NFATC2: variants seen among roughly 807,000 people sequenced by gnomAD.
NFATC2 encodes nuclear factor of activated T-cells, cytoplasmic 2.
Under a neutral mutation model 87.3 loss-of-function variants are expected in NFATC2, and 22 were observed. The observed-to-expected ratio is 0.25, with a 90% CI of 0.18 to 0.36. The LOEUF is 0.36. Ranked by LOEUF, NFATC2 falls within the 10% of genes least tolerant of loss-of-function variation. The pLI, the probability that NFATC2 is intolerant of heterozygous loss-of-function variation, is 1.00. For synonymous variants in NFATC2, 565 were observed against 542.2 expected, an observed-to-expected ratio of 1.04 and a Z score of -0.58; for missense variants, 1,149 against 1,259.1, an observed-to-expected ratio of 0.91 and a Z score of 1.32.
chr20:51,562,817 C>G (rs75374025), upstream of NFATC2: 37 of 552,062 alleles, frequency 6.7e-5, no homozygotes, highest in Non-Finnish European at 9.7e-5. The surrounding 1 kb of genome is among the most constrained non-coding windows in gnomAD (Gnocchi z 5.8). Context: ...GCTCCGCGAT[C>G]CGGCTTACTC....
intron 6 of NFATC2, among the ~76,000 whole-genome samples, chr20:51,439,766 G>A (rs935479319): frequency 1.2e-4 from 18 of 152,210 alleles, no homozygotes; most frequent in Admixed American, 2.0e-4. Context: ...CCCAAATTTC[G>A]GAGCAGACAC....
chr20:51,535,393 C>T (rs1360426423), intron 1 of NFATC2, among the ~76,000 whole-genome samples: 1 of 152,238 alleles, frequency 6.6e-6, no homozygotes, highest in African/African-American at 2.4e-5. Flanking sequence ...TTTCTTTCAG[C>T]CAACCTAAAA....
chr20:51,553,834 G>A (rs2076955299), intron 1 of NFATC2, among the ~76,000 whole-genome samples: 1 of 151,998 alleles, frequency 6.6e-6, no homozygotes, highest in Non-Finnish European at 1.5e-5. Flanking sequence ...GGGTGGGTAG[G>A]GCTGGTTCGT....
At chr20:51,550,543 A>T (rs1025363963) in intron 1 of NFATC2, among the ~76,000 whole-genome samples, 8 of 152,114 alleles carry the variant, frequency 5.3e-5, no homozygotes, top group Non-Finnish European at 1.0e-4. Flanking sequence ...GTGAGCCGAG[A>T]TTGCGCCATT....
At chr20:51,471,136 T>C (rs1189241290) in intron 5 of NFATC2, among the ~76,000 whole-genome samples, 1 of 152,178 alleles carries the variant, frequency 6.6e-6, no homozygotes, top group Admixed American at 6.5e-5. Flanking sequence ...CTGAAGATCT[T>C]GCTGGAGGTA....
At chr20:51,459,890 CAAAG>C (rs766304655) in intron 5 of NFATC2, among the ~76,000 whole-genome samples, 2 of 152,046 alleles carry the variant, frequency 1.3e-5, no homozygotes, top group South Asian at 2.1e-4. Context: ...AAAAAACAAA[CAAAG>C]AAACAAAACA....
intron 5 of NFATC2, among the ~76,000 whole-genome samples, chr20:51,467,312 T>A (rs550590130): frequency 6.6e-6 from 1 of 151,732 alleles, no homozygotes; most frequent in Admixed American, 6.6e-5. Flanking sequence ...ATCCCAACAG[T>A]TTGGGAGGTG....
At chr20:51,499,470 C>T (rs545827946) in intron 3 of NFATC2, among the ~76,000 whole-genome samples, 1 of 152,162 alleles carries the variant, frequency 6.6e-6, no homozygotes, top group African/African-American at 2.4e-5. Flanking sequence ...ATCTAAAACG[C>T]GGCCGGGCAC....
At chr20:51,539,834 T>C (rs962152897) in intron 1 of NFATC2, among the ~76,000 whole-genome samples, 2 of 152,244 alleles carry the variant, frequency 1.3e-5, no homozygotes, top group East Asian at 3.9e-4. Context: ...CTAACTCTTC[T>C]GTGCTGCCTA....
chr20:51,469,974 C>CAGCTCT (rs1241932574), intron 5 of NFATC2, among the ~76,000 whole-genome samples: 3 of 152,214 alleles, frequency 2.0e-5, no homozygotes, highest in Non-Finnish European at 4.4e-5. Flanking sequence ...AAGCAGGCGC[C>CAGCTCT]AGCTCTACCC....
Position 51,390,051 on chromosome 20 carries a change from TAA to T in NFATC2, c.*1443_*1444del. 1 of 151,018 alleles carries T rather than the reference TAA, an allele frequency of 6.6e-6. No individual in the cohort carries two copies. The highest frequency in any genetic ancestry group is 1.5e-5 in the Non-Finnish European group (1 of 67,920). 9.4% of individuals were successfully genotyped at this position (151,018 alleles called of 1,614,324 possible). Reference sequence around the variant, plus strand: ...CCAAGAACTTCAAGGGTTTTGTTTGTAAAAATCACAAAAATCACACCCACAGA... The same window carrying T: ...CCAAGAACTTCAAGGGTTTTGTTTGTAAATCACAAAAATCACACCCACAGA... On this transcript the variant is annotated 3_prime_UTR_variant, in exon 11 of 11. Coordinates refer to ENST00000371564, the MANE Select transcript of NFATC2 (RefSeq NM_012340.5).
At chr20:51,410,204 T>C (rs1978995747) in intron 9 of NFATC2, among the ~76,000 whole-genome samples, 1 of 95,384 alleles carries the variant, frequency 1.0e-5, no homozygotes, top group Non-Finnish European at 2.0e-5. Context: ...AGCGAGACTC[T>C]GTCTCAAAAA....
intron 9 of NFATC2, among the ~76,000 whole-genome samples, chr20:51,419,283 G>A (rs1980525108): frequency 6.6e-6 from 1 of 152,178 alleles, no homozygotes; most frequent in African/African-American, 2.4e-5. Context: ...ACATGACTGG[G>A]TAATATAAAT....
At chr20:51,500,638 TCACCCTCACCACCC>T (rs2076063623) in intron 3 of NFATC2, among the ~76,000 whole-genome samples, 1 of 30,560 alleles carries the variant, frequency 3.3e-5, no homozygotes, top group Admixed American at 3.8e-4. Flanking sequence ...CCCTCCACCC[TCACCCTCACCACCC>T]CCCCCTCCAC....
At chr20:51,453,834 T>C (rs1422017137) in intron 6 of NFATC2, among the ~76,000 whole-genome samples, 5 of 152,234 alleles carry the variant, frequency 3.3e-5, no homozygotes, top group Non-Finnish European at 7.3e-5. Flanking sequence ...TGTAGATTTC[T>C]GGAAGGTAAT....
chr20:51,561,775 A>G (rs984844103), intron 1 of NFATC2, among the ~76,000 whole-genome samples: 17 of 152,012 alleles, frequency 1.1e-4, no homozygotes, highest in Non-Finnish European at 4.4e-5. Flanking sequence ...GCCCATTTCC[A>G]CTTTTAAAGA....
rs1268370362 is a variant in NFATC2, at chr20:51,480,933, C to A, written c.1333-5273G>T. Among the ~76,000 whole-genome samples, 2 of 152,122 alleles carry A rather than the reference C, an allele frequency of 1.3e-5. No individual in the cohort carries two copies. The highest frequency in any genetic ancestry group is 3.9e-4 in the East Asian group (2 of 5,186). On this transcript the variant is annotated intron_variant, in intron 3 of 10. Coordinates refer to ENST00000371564, the MANE Select transcript of NFATC2 (RefSeq NM_012340.5). The surrounding 1 kb of genome is among the most constrained non-coding windows in gnomAD (Gnocchi z 4.2). ...AACAAAGTGAGAACCAACGTGAAGG[C>A]CTCCCATATGGGAAAGCCCAGGCAC...
At chr20:51,435,575 C>T in intron 7 of NFATC2, 131 bp downstream of exon 7, 6 of 987,876 alleles carry the variant, frequency 6.1e-6, no homozygotes, top group Non-Finnish European at 7.6e-6. Flanking sequence ...CATTAATATG[C>T]ACATATTGAG....
chr20:51,489,059 G>A (rs570160831), intron 3 of NFATC2, among the ~76,000 whole-genome samples: 16 of 152,288 alleles, frequency 1.1e-4, no homozygotes, highest in Admixed American at 7.2e-4. Context: ...ACAGGGTGGC[G>A]GGCGCCTGCA....
Sources: allele counts gnomAD v4.1 joint callset (sites outside exome capture counted in the v4.1 genomes callset), GRCh38; gene constraint gnomAD v4.1.1; non-coding constraint Gnocchi (gnomAD v3.1); transcripts MANE v1.5; gene names NCBI Gene and HGNC (gene_info 2026-07-23, HGNC 2026-07-21).